The following TTC23 variants were observed in gnomAD, a reference collection of about 807,000 sequenced individuals.
TTC23 encodes the protein tetratricopeptide repeat domain 23, also known as tetratricopeptide repeat protein 23.
A neutral mutation model predicts 55.1 loss-of-function variants in TTC23; 58 were observed. The ratio of observed to expected loss-of-function variants is 1.05; its 90% CI spans 0.85 to 1.31. The LOEUF (loss-of-function observed/expected upper bound fraction) is 1.31. Among genes scored for constraint, TTC23 ranks in the 50% most tolerant of loss-of-function variants. TTC23 has a pLI of 0.00. For synonymous variants in TTC23, 203 were observed against 199.9 expected, an observed-to-expected ratio of 1.02 and a Z score of -0.13; for missense variants, 516 against 534.4, an observed-to-expected ratio of 0.97 and a Z score of 0.34.
At chr15:99,207,534 T>C (rs1411082432) in intron 8 of TTC23, among the ~76,000 whole-genome samples, 1 of 152,092 alleles carries the variant, frequency 6.6e-6, no homozygotes, top group Non-Finnish European at 1.5e-5. Context: ...CCGAGGCAGG[T>C]GGATCACTTG....
At chr15:99,208,161 T>C (rs899493167) in intron 8 of TTC23, among the ~76,000 whole-genome samples, 5 of 152,092 alleles carry the variant, frequency 3.3e-5, no homozygotes, top group African/African-American at 7.2e-5. Context: ...ATTATATCAA[T>C]TGGTAGAGAT....
chr15:99,235,572 A>G (rs2079255002), intron 3 of TTC23, among the ~76,000 whole-genome samples: 1 of 152,014 alleles, frequency 6.6e-6, no homozygotes, highest in Admixed American at 6.6e-5. Flanking sequence ...GGGTTTCACC[A>G]TGTTGGTCAG....
At chr15:99,222,140 G>T (rs1222001512) in intron 5 of TTC23, among the ~76,000 whole-genome samples, 1 of 152,174 alleles carries the variant, frequency 6.6e-6, no homozygotes, top group Non-Finnish European at 1.5e-5. Context: ...TTAAAAAATA[G>T]AAAAAGTAGA....
chr15:99,202,608 A>G (rs1567472298), intron 8 of TTC23, among the ~76,000 whole-genome samples: 2 of 152,240 alleles, frequency 1.3e-5, no homozygotes, highest in Non-Finnish European at 2.9e-5. Flanking sequence ...AGACCACGGA[A>G]AACTTGTAGC....
At chr15:99,199,768 A>G in intron 9 of TTC23, 151 bp downstream of exon 9, 1 of 677,584 alleles carries the variant, frequency 1.5e-6, no homozygotes, top group Non-Finnish European at 2.3e-6. Context: ...CCTGATAAGA[A>G]CACCTTTGTT....
intron 4 of TTC23, 138 bp from the exon 5 acceptor site, chr15:99,228,870 T>C (rs923489354): frequency 6.2e-6 from 4 of 648,598 alleles, no homozygotes; most frequent in African/African-American, 5.5e-5. Context: ...TGGCTACTAC[T>C]GACCTGCTGA....
intron 2 of TTC23, among the ~76,000 whole-genome samples, 198 bp from the exon 3 acceptor site, chr15:99,241,757 ACC>A (rs933538428): frequency 1.4e-4 from 21 of 152,182 alleles, no homozygotes; most frequent in Admixed American, 1.3e-3. Context: ...CCAGGTGTGA[ACC>A]GTTGGAGGCT....
rs544020070 is a variant in TTC23 at position 99,204,012 on chromosome 15, G to A, written c.582-3916C>T. ...TTCCTTTTTGGGGGGTATATACTGA[G>A]TAATGAGATGGCTGGATCATATGGT... is the stretch of plus-strand genomic sequence containing the variant. On this transcript the variant is annotated intron_variant, in intron 8 of 13. Coordinates refer to ENST00000394132, the MANE Select transcript of TTC23 (RefSeq NM_001288615.3). 3.3e-5 allele frequency among the ~76,000 whole-genome samples: 5 copies of A among 152,218 alleles called. No homozygotes were observed. The South Asian group carries it at 1.0e-3, about 32-fold the overall frequency.
Position 99,139,356 on chromosome 15 carries a change from C to T in TTC23, c.1187G>A (p.Arg396Lys), listed in dbSNP as rs1381146798. 2 of 1,613,872 alleles carry T rather than the reference C, an allele frequency of 1.2e-6. No homozygotes were observed. The highest frequency in any genetic ancestry group is 2.7e-5 in the African/African-American group (2 of 74,920). The change falls in exon 13 of 14, where the codon AGG becomes AAG. Residue 396 changes from arginine (R) to lysine (K), a missense_variant. By Grantham distance (26) the Arg-to-Lys change is conservative. Coordinates refer to ENST00000394132, the MANE Select transcript of TTC23 (RefSeq NM_001288615.3). Reference protein sequence around the residue: ...QTLLYGPQDKRTLATQQAMGM... With the variant: ...QTLLYGPQDKKTLATQQAMGM... ...CATGGCCTGCTGGGTGGCCAGAGTC[C>T]TTTTGTCCTGCGGTCCATATAAGAG... is the stretch of plus-strand genomic sequence containing the variant.
At position 99,139,281 on chromosome 15, in the gene TTC23, A is replaced by G. The variant is rs1555488782; in HGVS notation, c.1226+36T>C. On this transcript the variant is annotated intron_variant, in intron 13 of 13. Transcript: ENST00000394132. The stretch of plus-strand genomic sequence containing the variant: ...CTCTTGAGATTCTGAATGGAAAGGG[A>G]ATGAGATAGAGAAAGTGTGAGGGAC... 1.9e-6 allele frequency: 3 copies of G among 1,587,994 alleles called. No individual in the cohort carries two copies. In the East Asian group the frequency reaches 6.7e-5, roughly 35 times the overall value.
At chr15:99,248,538 T>C (rs867483108) in intron 1 of TTC23, among the ~76,000 whole-genome samples, 5 of 152,324 alleles carry the variant, frequency 3.3e-5, no homozygotes, top group East Asian at 3.9e-4. Context: ...CAGGCCCAAA[T>C]TGAGTCTTAC....
intron 9 of TTC23, among the ~76,000 whole-genome samples, chr15:99,176,194 G>A (rs567522425): frequency 6.6e-6 from 1 of 152,308 alleles, no homozygotes; most frequent in Admixed American, 6.5e-5. Context: ...CTATAGGAGA[G>A]GCATGGGCTA....
At chr15:99,163,103 A>AAACC (rs2071598015) in intron 10 of TTC23, among the ~76,000 whole-genome samples, 1 of 151,860 alleles carries the variant, frequency 6.6e-6, no homozygotes, top group Non-Finnish European at 1.5e-5. Context: ...ACAAACAAAC[A>AAACC]AACAAAAACA....
At chr15:99,197,717 C>T (rs534855705) in intron 9 of TTC23, among the ~76,000 whole-genome samples, 3 of 151,826 alleles carry the variant, frequency 2.0e-5, no homozygotes, top group Non-Finnish European at 4.4e-5. Flanking sequence ...ACCAGCCTGG[C>T]CAACATGGTA....
At chr15:99,176,395 G>A (rs2073556904) in intron 9 of TTC23, among the ~76,000 whole-genome samples, 1 of 152,110 alleles carries the variant, frequency 6.6e-6, no homozygotes, top group Non-Finnish European at 1.5e-5. Context: ...GAGATTGCTA[G>A]AGCTCAGGAG....
intron 4 of TTC23, among the ~76,000 whole-genome samples, chr15:99,233,103 G>A (rs562347539): frequency 1.3e-5 from 2 of 152,338 alleles, no homozygotes; most frequent in African/African-American, 4.8e-5. Context: ...CACAAGTAGA[G>A]AGTAGAATGC....
intron 5 of TTC23, among the ~76,000 whole-genome samples, chr15:99,225,098 C>T (rs1380876340): frequency 6.6e-6 from 1 of 152,208 alleles, no homozygotes; most frequent in Non-Finnish European, 1.5e-5. Flanking sequence ...GTCCCAACTA[C>T]AGATTTCCAG....
intron 4 of TTC23, among the ~76,000 whole-genome samples, chr15:99,234,441 G>C (rs1224869865): frequency 6.6e-6 from 1 of 152,142 alleles, no homozygotes; most frequent in Non-Finnish European, 1.5e-5. Context: ...CGTGATCTCG[G>C]CTCCCTGCAA....
intron 8 of TTC23, among the ~76,000 whole-genome samples, chr15:99,216,297 T>C (rs2077470351): frequency 6.6e-6 from 1 of 152,104 alleles, no homozygotes; most frequent in Non-Finnish European, 1.5e-5. Flanking sequence ...TTAAAGTAGG[T>C]CTTGGAGGGA....
Sources: gnomAD v4.1 joint callset for allele counts (sites outside exome capture counted in the v4.1 genomes callset) on GRCh38, gnomAD v4.1.1 for gene constraint, MANE v1.5 for transcripts, NCBI Gene and HGNC (gene_info 2026-07-23, HGNC 2026-07-21) for gene names.